The following IL1RAPL1 variants were observed in gnomAD, a reference collection of about 807,000 sequenced individuals.
The protein encoded by IL1RAPL1 is interleukin-1 receptor accessory protein-like 1.
Under a neutral mutation model 48.4 loss-of-function variants are expected in IL1RAPL1, and 3 were observed. The ratio of observed to expected loss-of-function variants is 0.06; its 90% CI spans 0.03 to 0.16. IL1RAPL1 has a LOEUF of 0.16. IL1RAPL1 is among the 10% of genes least tolerant of loss of function. The pLI, the probability that IL1RAPL1 is intolerant of heterozygous loss-of-function variation, is 1.00. For missense variants in IL1RAPL1, 349 were observed against 530.6 expected (o/e 0.66, Z 3.36); for synonymous variants, 185 against 187.7 (o/e 0.99, Z 0.12).
chrX:29,252,179 T>A (rs1239797008), intron 2 of IL1RAPL1, among the ~76,000 whole-genome samples: 1 of 111,982 alleles, frequency 8.9e-6, no homozygotes, highest in African/African-American at 3.3e-5. Context: ...GACGAGTTAG[T>A]GGGTGCAGCA....
At chrX:29,658,152 A>G (rs1925740926) in intron 5 of IL1RAPL1, among the ~76,000 whole-genome samples, 1 of 111,611 alleles carries the variant, frequency 9.0e-6, no homozygotes, top group Non-Finnish European at 1.9e-5. Flanking sequence ...TTCTACATCT[A>G]GTCGTACTCT....
At chrX:29,101,569 A>G (rs1284801326) in intron 2 of IL1RAPL1, among the ~76,000 whole-genome samples, 1 of 111,984 alleles carries the variant, frequency 8.9e-6, no homozygotes, top group African/African-American at 3.2e-5. Flanking sequence ...CTATAGGCCA[A>G]TATCCCAGAT....
chrX:28,947,777 T>C (rs188614280), intron 2 of IL1RAPL1, among the ~76,000 whole-genome samples: 1 of 112,007 alleles, frequency 8.9e-6, no homozygotes, highest in Non-Finnish European at 1.9e-5. Flanking sequence ...GTACTACTTA[T>C]ATGAAATAAT....
intron 1 of IL1RAPL1, among the ~76,000 whole-genome samples, chrX:28,665,034 C>T (rs1359793862): frequency 8.9e-6 from 1 of 111,909 alleles, no homozygotes; most frequent in Non-Finnish European, 1.9e-5. Context: ...AAATAATGTC[C>T]ATTGAACTGG....
intron 6 of IL1RAPL1, among the ~76,000 whole-genome samples, chrX:29,915,495 G>C (rs1197446631): frequency 8.9e-6 from 1 of 111,842 alleles, no homozygotes; most frequent in Non-Finnish European, 1.9e-5. Context: ...TGTGGAACTT[G>C]TAGAATTAAG....
In IL1RAPL1 at chrX:29,347,119, C is replaced by G. The variant is rs146337469; in HGVS notation, c.363-49139C>G. On this transcript the variant is annotated intron_variant, in intron 3 of 10. Transcript: ENST00000378993. ...GTTCTAAGACCTACCTTACCCGACC[C>G]TGTGGATGCCTGAAACCATGGATAG... Among the ~76,000 whole-genome samples, 152 of 110,809 alleles carry G rather than the reference C, an allele frequency of 1.4e-3. 2 individuals are homozygous for G. The East Asian group carries it at 0.038, about 28-fold the overall frequency.
intron 5 of IL1RAPL1, among the ~76,000 whole-genome samples, chrX:29,455,110 G>A (rs1569315013): frequency 9.0e-6 from 1 of 111,317 alleles, no homozygotes. Flanking sequence ...AATAGCTAAT[G>A]CATGCAGGGC....
chrX:29,571,927 A>G (rs1362836911), intron 5 of IL1RAPL1, among the ~76,000 whole-genome samples: 4 of 112,102 alleles, frequency 3.6e-5, no homozygotes, highest in African/African-American at 1.3e-4. Context: ...TTGAGCAACT[A>G]TATGGCAAGT....
At chrX:28,707,405 G>A (rs1161439076) in intron 1 of IL1RAPL1, among the ~76,000 whole-genome samples, 1 of 112,144 alleles carries the variant, frequency 8.9e-6, no homozygotes, top group African/African-American at 3.2e-5. Flanking sequence ...TGCTCATGGT[G>A]CTAACATACT....
chrX:28,616,158 G>A (rs1421788448), intron 1 of IL1RAPL1, among the ~76,000 whole-genome samples: 2 of 112,058 alleles, frequency 1.8e-5, no homozygotes, highest in African/African-American at 6.5e-5. Context: ...ATATCAGAAG[G>A]ACTAAGGGCT....
Position 29,862,986 on chromosome X carries a change from A to G in IL1RAPL1, c.779-54478A>G, listed in dbSNP as rs1451760174. Among the ~76,000 whole-genome samples the G allele has an allele frequency of 3.3e-4, 36 of 109,093 alleles. No individual in the cohort carries two copies. In the East Asian group the frequency reaches 0.01, roughly 30 times the overall value. 94.7% of individuals were successfully genotyped at this position (109,093 alleles called of 115,157 possible). On this transcript the variant is annotated intron_variant, in intron 6 of 10. Transcript: ENST00000378993. Reference sequence around the variant, plus strand: ...GGCATACTTAAAAAAAAAAAAAAAAAAAAGGCTAGAGAAAAAAATAGTAGA... The same window carrying G: ...GGCATACTTAAAAAAAAAAAAAAAAGAAAGGCTAGAGAAAAAAATAGTAGA...
intron 5 of IL1RAPL1, among the ~76,000 whole-genome samples, chrX:29,465,056 G>A (rs1244495326): frequency 9.0e-6 from 1 of 111,706 alleles, no homozygotes; most frequent in African/African-American, 3.3e-5. Context: ...CCTGCAACAT[G>A]TACCCCTTAT....
intron 6 of IL1RAPL1, among the ~76,000 whole-genome samples, chrX:29,701,610 G>C (rs1242822582): frequency 9.0e-6 from 1 of 111,588 alleles, no homozygotes; most frequent in Admixed American, 9.6e-5. Context: ...AACGAATCTA[G>C]AATGGAGAGG....
intron 6 of IL1RAPL1, among the ~76,000 whole-genome samples, chrX:29,791,612 T>C (rs150862622): frequency 0.028 from 3,094 of 108,780 alleles, 96 homozygotes; most frequent in African/African-American, 0.098. Flanking sequence ...TTAGTAGATA[T>C]GGGGTTTCAC....
intron 5 of IL1RAPL1, among the ~76,000 whole-genome samples, chrX:29,433,753 A>G (rs1400517949): frequency 9.0e-6 from 1 of 111,301 alleles, no homozygotes; most frequent in African/African-American, 3.2e-5. Context: ...TAACTAATTC[A>G]TTGAGTTTTT....
At chrX:28,659,286 T>A (rs893261288) in intron 1 of IL1RAPL1, 3 of 555,378 alleles carry the variant, frequency 5.4e-6, no homozygotes, top group Non-Finnish European at 9.7e-6. Context: ...AGTTTGTGAA[T>A]CAGAAGTTCA....
intron 1 of IL1RAPL1, among the ~76,000 whole-genome samples, chrX:28,655,275 G>A (rs772513701): frequency 9.1e-6 from 1 of 110,121 alleles, no homozygotes; most frequent in South Asian, 3.9e-4. Context: ...AATACTATCA[G>A]TAGTATAAAT....
At chrX:29,118,190 CTA>C (rs1427864455) in intron 2 of IL1RAPL1, among the ~76,000 whole-genome samples, 1 of 112,069 alleles carries the variant, frequency 8.9e-6, no homozygotes, top group Non-Finnish European at 1.9e-5. Context: ...TGTGTTCTCT[CTA>C]TGCTTACATA....
At chrX:29,204,384 T>C (rs1930621160) in intron 2 of IL1RAPL1, among the ~76,000 whole-genome samples, 1 of 111,885 alleles carries the variant, frequency 8.9e-6, no homozygotes, top group South Asian at 3.7e-4. Context: ...CACCATCCAC[T>C]GTTTTTGTCT....
Sources: allele counts gnomAD v4.1 joint callset (sites outside exome capture counted in the v4.1 genomes callset), GRCh38; gene constraint gnomAD v4.1.1; transcripts MANE v1.5; gene names NCBI Gene and HGNC (gene_info 2026-07-23, HGNC 2026-07-21).